HDAC9: variants seen among roughly 807,000 people sequenced by gnomAD.
HDAC9 encodes MEF-2 interacting transcription repressor (MITR) protein.
HDAC9 carries 41 observed loss-of-function variants against 139.4 expected under a neutral mutation model. That is an observed-to-expected ratio of 0.29 (90% CI 0.23 to 0.38). HDAC9 has a LOEUF of 0.38. Among genes scored for constraint, HDAC9 ranks in the 10% least tolerant of loss-of-function variants. The pLI is 1.00. For synonymous variants in HDAC9, 517 were observed against 476.2 expected (o/e 1.09, Z -1.12); for missense variants, 1,147 against 1,297.0 (o/e 0.88, Z 1.78).
At chr7:18,389,528 A>C (rs1786261128) in intron 1 of HDAC9, among the ~76,000 whole-genome samples, 1 of 152,244 alleles carries the variant, frequency 6.6e-6, no homozygotes, top group Non-Finnish European at 1.5e-5. Context: ...CTGAAATGGC[A>C]CTTGTTACTT....
chr7:18,908,055 A>C (rs1017450269), intron 22 of HDAC9, among the ~76,000 whole-genome samples: 3 of 152,132 alleles, frequency 2.0e-5, no homozygotes, highest in South Asian at 2.1e-4. Context: ...AACACTTTAT[A>C]TGGACCATTT....
chr7:18,831,429 A>G (rs1330093891), intron 19 of HDAC9, among the ~76,000 whole-genome samples: 1 of 152,222 alleles, frequency 6.6e-6, no homozygotes, highest in Non-Finnish European at 1.5e-5. Flanking sequence ...GTTACTTGGT[A>G]GCTCCAAGGA....
At chr7:18,993,778 G>A (rs1197686453) in intron 25 of HDAC9, among the ~76,000 whole-genome samples, 1 of 152,118 alleles carries the variant, frequency 6.6e-6, no homozygotes, top group Non-Finnish European at 1.5e-5. Context: ...ACTCCAGCCT[G>A]GGCAACAGAG....
At chr7:18,603,120 T>G (rs1165723467) in intron 6 of HDAC9, among the ~76,000 whole-genome samples, 11 of 152,112 alleles carry the variant, frequency 7.2e-5, no homozygotes, top group Middle Eastern at 3.2e-3. Context: ...AATATAGCTC[T>G]TCCAACATCC....
At chr7:18,763,109 A>G (rs1789529881) in intron 15 of HDAC9, among the ~76,000 whole-genome samples, 2 of 152,208 alleles carry the variant, frequency 1.3e-5, no homozygotes, top group South Asian at 2.1e-4. Context: ...TCCTTCAAAT[A>G]AATGTATTGT....
chr7:18,789,286 G>GCGCGCGCACACACACA (rs146066951), intron 16 of HDAC9, among the ~76,000 whole-genome samples: 2 of 148,396 alleles, frequency 1.3e-5, no homozygotes, highest in Admixed American at 6.7e-5. Context: ...ACACATACAC[G>GCGCGCGCACACACACA]CACACACACA....
intron 1 of HDAC9, among the ~76,000 whole-genome samples, chr7:18,342,930 A>G (rs1490350275): frequency 6.6e-6 from 1 of 151,862 alleles, no homozygotes; most frequent in African/African-American, 2.4e-5. Flanking sequence ...GGTAACTGTG[A>G]ATATAGTTAG....
chr7:18,292,949 A>G (rs576846382), intron 1 of HDAC9, among the ~76,000 whole-genome samples: 1 of 152,114 alleles, frequency 6.6e-6, no homozygotes, highest in Non-Finnish European at 1.5e-5. Context: ...TAATTTCACA[A>G]CTTTGGAGTT....
At chr7:18,228,584 G>A (rs1793229497) in intron 2 of HDAC9, among the ~76,000 whole-genome samples, 1 of 152,134 alleles carries the variant, frequency 6.6e-6, no homozygotes, top group Non-Finnish European at 1.5e-5. Context: ...GAAGTGAGAA[G>A]TTCTAGTGTC....
chr7:18,108,602 A>G (rs1444803804), intron 1 of HDAC9, among the ~76,000 whole-genome samples: 2 of 143,344 alleles, frequency 1.4e-5, no homozygotes, highest in Non-Finnish European at 3.0e-5. Context: ...AGCATTTTAC[A>G]CTCATCTCCT....
At chr7:18,383,329 G>A (rs1041147739) in intron 1 of HDAC9, among the ~76,000 whole-genome samples, 2 of 152,154 alleles carry the variant, frequency 1.3e-5, no homozygotes, top group African/African-American at 4.8e-5. Context: ...ACTAGTAATT[G>A]ATGTTGTCAC....
At chr7:18,602,601 G>C (rs114281315) in intron 6 of HDAC9, among the ~76,000 whole-genome samples, 3,548 of 151,388 alleles carry the variant, frequency 0.023, 141 homozygotes, top group African/African-American at 0.081. Context: ...TTTGCCTCTA[G>C]GCACTGCTTT....
chr7:18,971,910 TGTCA>T (rs1343434747), intron 24 of HDAC9, among the ~76,000 whole-genome samples: 3 of 152,242 alleles, frequency 2.0e-5, no homozygotes, highest in Admixed American at 6.5e-5. Flanking sequence ...AAAGGATCAT[TGTCA>T]GTCATTCTTC....
In HDAC9 at chr7:18,751,670, A is replaced by G. The variant is rs115497054; in HGVS notation, c.2043+2532A>G. ...AAGATACCTAGGACTTTAATGGCAG[A>G]TGGACATCTGCCCATGTGTGAATGA... On this transcript the variant is annotated intron_variant, in intron 14 of 25. Coordinates refer to ENST00000686413, the MANE Select transcript of HDAC9 (RefSeq NM_178425.4). Among the ~76,000 whole-genome samples, 1,461 of 152,228 alleles carry G rather than the reference A, an allele frequency of 9.6e-3. 22 individuals carry two copies. Among genetic ancestry groups the G allele is most frequent in the African/African-American group, 0.033 (1,384 of 41,534 alleles).
intron 1 of HDAC9, among the ~76,000 whole-genome samples, chr7:18,358,361 T>G (rs1221347147): frequency 1.3e-5 from 2 of 152,236 alleles, no homozygotes; most frequent in Non-Finnish European, 2.9e-5. Context: ...AAACAGTTTT[T>G]TTTCCTATAA....
intron 12 of HDAC9, among the ~76,000 whole-genome samples, chr7:18,671,560 A>AT (rs1401973538): frequency 6.6e-6 from 1 of 151,952 alleles, no homozygotes; most frequent in African/African-American, 2.4e-5. Flanking sequence ...CTTCTTCTGC[A>AT]TTTTAACTCA....
intron 2 of HDAC9, among the ~76,000 whole-genome samples, chr7:18,515,792 TG>T (rs941075541): frequency 1.8e-4 from 27 of 152,332 alleles, no homozygotes; most frequent in African/African-American, 6.3e-4. Flanking sequence ...TGAATATTCA[TG>T]GGATAAGTGA....
intron 12 of HDAC9, among the ~76,000 whole-genome samples, chr7:18,708,468 G>A (rs975492829): frequency 6.6e-6 from 1 of 152,200 alleles, no homozygotes; most frequent in Non-Finnish European, 1.5e-5. Context: ...ATAACTTGCA[G>A]TTTTTGCAGA....
chr7:18,898,993 A>G (rs1007899628), intron 22 of HDAC9, among the ~76,000 whole-genome samples: 1 of 152,066 alleles, frequency 6.6e-6, no homozygotes, highest in Non-Finnish European at 1.5e-5. Flanking sequence ...TGTTACGCTT[A>G]TGCTACCAAA....
Sources: allele counts gnomAD v4.1 joint callset (sites outside exome capture counted in the v4.1 genomes callset), GRCh38; gene constraint gnomAD v4.1.1; transcripts MANE v1.5; gene names NCBI Gene and HGNC (gene_info 2026-07-23, HGNC 2026-07-21).